Variants in TLL1 observed in about 807,000 individuals in gnomAD.
The protein encoded by TLL1 is tolloid-like protein 1.
In TLL1, 49 loss-of-function variants were observed where a neutral mutation model predicts 128.2. The ratio of observed to expected loss-of-function variants is 0.38; its 90% CI spans 0.30 to 0.48. The LOEUF (loss-of-function observed/expected upper bound fraction) is 0.48. Ranked by LOEUF, TLL1 falls within the 20% of genes least tolerant of loss-of-function variation. The probability of loss-of-function intolerance (pLI) is 0.96; values close to 1 mark genes in which losing one functional copy is unlikely to be tolerated. For missense variants in TLL1, 1,123 were observed against 1,242.0 expected, an observed-to-expected ratio of 0.90 and a Z score of 1.44; for synonymous variants, 454 against 418.8, an observed-to-expected ratio of 1.08 and a Z score of -1.03.
Position 165,919,572 on chromosome 4 carries a change from A to G in TLL1, c.169+45499A>G, listed in dbSNP as rs1185601496. Among the ~76,000 whole-genome samples, 3 of 152,136 alleles carry G rather than the reference A, an allele frequency of 2.0e-5. No individual in the cohort carries two copies. The East Asian group carries it at 5.8e-4, about 29-fold the overall frequency. ...TGTGTATTCCATAATTATTTGGAAT[A>G]TGGAGTTGTAATATTATCACGCCAT... On this transcript the variant is annotated intron_variant, in intron 1 of 20. Coordinates refer to ENST00000061240, the MANE Select transcript of TLL1 (RefSeq NM_012464.5).
chr4:166,077,229 TA>T (rs34063206), intron 17 of TLL1, among the ~76,000 whole-genome samples: 72,152 of 145,802 alleles, frequency 0.49, 17,467 homozygotes, highest in African/African-American at 0.52. Flanking sequence ...ATTTTAATTG[TA>T]AAAAAAAAAA....
chr4:166,095,910 TAGATTTG>T (rs1441216852), intron 19 of TLL1, among the ~76,000 whole-genome samples: 1 of 152,134 alleles, frequency 6.6e-6, no homozygotes, highest in Non-Finnish European at 1.5e-5. Context: ...AATGAATAGG[TAGATTTG>T]ATGAAATCTG....
intron 16 of TLL1, among the ~76,000 whole-genome samples, chr4:166,073,330 A>G (rs1233883230): frequency 6.6e-6 from 1 of 152,172 alleles, no homozygotes; most frequent in African/African-American, 2.4e-5. Context: ...TTCATAAACT[A>G]TAATTCTCAC....
chr4:166,029,917 T>C (rs747052364), intron 9 of TLL1, among the ~76,000 whole-genome samples: 8 of 152,106 alleles, frequency 5.3e-5, no homozygotes, highest in Non-Finnish European at 1.2e-4. Flanking sequence ...TGCTTCTACC[T>C]CTTGGCTATT....
chr4:165,901,335 A>G (rs1233902502), intron 1 of TLL1, among the ~76,000 whole-genome samples: 1 of 152,022 alleles, frequency 6.6e-6, no homozygotes, highest in Non-Finnish European at 1.5e-5. Context: ...TTGTTTTGGG[A>G]ATTTTCAACC....
intron 1 of TLL1, among the ~76,000 whole-genome samples, chr4:165,957,927 T>C (rs1187881859): frequency 6.9e-6 from 1 of 144,696 alleles, no homozygotes; most frequent in Non-Finnish European, 1.5e-5. Flanking sequence ...GTTCTCATTG[T>C]TCAATTCCCA....
chr4:165,908,986 C>T (rs1732401077), intron 1 of TLL1, among the ~76,000 whole-genome samples: 1 of 152,150 alleles, frequency 6.6e-6, no homozygotes, highest in African/African-American at 2.4e-5. Flanking sequence ...CACTTGAGGT[C>T]AGGAGTTTGA....
At chr4:165,985,020 G>A (rs72974303) in intron 1 of TLL1, among the ~76,000 whole-genome samples, 9,450 of 152,004 alleles carry the variant, frequency 0.062, 895 homozygotes, top group African/African-American at 0.21. Context: ...TTCACGGTAT[G>A]TTCTCATTCA....
chr4:166,104,416 T>A lies in TLL1; in HGVS notation c.*3540T>A, dbSNP rs1742422955. ...TTGATACCACTTGTTAAATCAGGCA[T>A]GGGAGGAGGAGAGCAGAAAATATAA... On this transcript the variant is annotated 3_prime_UTR_variant, in exon 21 of 21. Transcript: ENST00000061240. 6.6e-6 allele frequency among the ~76,000 whole-genome samples: 1 copy of A among 151,924 alleles called. No individual in the cohort carries two copies. The highest frequency in any genetic ancestry group is 1.5e-5 in the Non-Finnish European group (1 of 67,910).
intron 1 of TLL1, among the ~76,000 whole-genome samples, chr4:165,977,109 G>T (rs1735919825): frequency 6.6e-6 from 1 of 152,142 alleles, no homozygotes; most frequent in African/African-American, 2.4e-5. Context: ...TTAGAAGTTA[G>T]ATTTTAGAAG....
intron 1 of TLL1, among the ~76,000 whole-genome samples, chr4:165,923,434 T>C (rs1733131412): frequency 8.4e-6 from 1 of 118,820 alleles, no homozygotes; most frequent in African/African-American, 3.1e-5. Flanking sequence ...TTTTTTTTTT[T>C]TTTTTTTTTT....
At chr4:165,935,889 G>A (rs1733738419) in intron 1 of TLL1, among the ~76,000 whole-genome samples, 1 of 152,082 alleles carries the variant, frequency 6.6e-6, no homozygotes, top group African/African-American at 2.4e-5. Flanking sequence ...AACTTATAAT[G>A]CATTCAACCT....
chr4:166,043,221 A>C, intron 11 of TLL1, 53 bp from the exon 12 acceptor site: 6 of 1,612,592 alleles, frequency 3.7e-6, no homozygotes, highest in Non-Finnish European at 5.1e-6. Flanking sequence ...GAAAATGAAA[A>C]TGAAATAGCA....
chr4:165,903,412 GTTTTTTTT>G (rs563542442), intron 1 of TLL1, among the ~76,000 whole-genome samples: 1 of 125,324 alleles, frequency 8.0e-6, no homozygotes, highest in Non-Finnish European at 1.7e-5. Context: ...TCTTTTTCTT[GTTTTTTTT>G]TTTTTTTTTT....
chr4:166,079,019 G>C (rs1339712397), intron 18 of TLL1, among the ~76,000 whole-genome samples: 1 of 152,150 alleles, frequency 6.6e-6, no homozygotes, highest in Non-Finnish European at 1.5e-5. Context: ...CATATTCTTA[G>C]TATGGAGGTC....
intron 19 of TLL1, among the ~76,000 whole-genome samples, chr4:166,091,641 A>G (rs1741785760): frequency 6.6e-6 from 1 of 152,166 alleles, no homozygotes; most frequent in African/African-American, 2.4e-5. Context: ...AATGTATTTC[A>G]TATTAACATT....
intron 1 of TLL1, among the ~76,000 whole-genome samples, chr4:165,892,798 T>A (rs1348820423): frequency 6.6e-6 from 1 of 152,214 alleles, no homozygotes; most frequent in Non-Finnish European, 1.5e-5. Flanking sequence ...TCTCTTACCC[T>A]TTAAACTCTT....
intron 1 of TLL1, among the ~76,000 whole-genome samples, chr4:165,929,359 A>G (rs1302531644): frequency 1.3e-5 from 2 of 152,100 alleles, no homozygotes; most frequent in Admixed American, 1.3e-4. Flanking sequence ...CACCATGATG[A>G]AACCTCGTCT....
At chr4:166,057,050 C>G in intron 13 of TLL1, 134 bp from the exon 14 acceptor site, 2 of 910,576 alleles carry the variant, frequency 2.2e-6, no homozygotes, top group Non-Finnish European at 3.5e-6. Context: ...CTCACCAGGT[C>G]CCTCTCATGA....
Sources: gnomAD v4.1 joint callset for allele counts (sites outside exome capture counted in the v4.1 genomes callset) on GRCh38, gnomAD v4.1.1 for gene constraint, MANE v1.5 for transcripts, NCBI Gene and HGNC (gene_info 2026-07-23, HGNC 2026-07-21) for gene names.